Variants in RGS7 observed in about 807,000 individuals in gnomAD.
RGS7 encodes regulator of G protein signaling 7.
RGS7 carries 27 observed loss-of-function variants against 81.1 expected under a neutral mutation model. The observed-to-expected ratio is 0.33, with a 90% CI of 0.25 to 0.46. The LOEUF is 0.46. Among genes scored for constraint, RGS7 ranks in the 20% least tolerant of loss-of-function variants. The pLI is 1.00. For synonymous variants in RGS7, 208 were observed against 207.7 expected, an observed-to-expected ratio of 1.00 and a Z score of -0.01; for missense variants, 396 against 607.4, an observed-to-expected ratio of 0.65 and a Z score of 3.66.
chr1:240,857,408 C>A (rs1304247696), intron 9 of RGS7, among the ~76,000 whole-genome samples: 2 of 152,088 alleles, frequency 1.3e-5, no homozygotes, highest in Non-Finnish European at 2.9e-5. Context: ...AAGTCCAGAG[C>A]TTGCATTGGG....
In RGS7 at chr1:240,801,627, C is replaced by T. The variant is rs560919064; in HGVS notation, c.1360-119G>A. The T allele has an allele frequency of 3.6e-5, 28 of 770,422 alleles. No individual in the cohort carries two copies. In the South Asian group the frequency reaches 4.0e-4, roughly 11 times the overall value. The allele number at this position is 770,422 out of a possible 1,614,324, so 47.7% of individuals were successfully genotyped here. ...TAATGAAATGATGCAACACCAAATC[C>T]ATGTTCTAAATCAGAAGGCCCATAG... On this transcript the variant is annotated intron_variant, in intron 16 of 18. Coordinates refer to ENST00000440928, the MANE Select transcript of RGS7 (RefSeq NM_001364886.1).
At chr1:241,268,445 A>G (rs1016477598) in intron 2 of RGS7, among the ~76,000 whole-genome samples, 1 of 152,156 alleles carries the variant, frequency 6.6e-6, no homozygotes, top group Admixed American at 6.5e-5. Context: ...AGTTGTGCCA[A>G]TGAAAAATGT....
intron 2 of RGS7, among the ~76,000 whole-genome samples, chr1:241,160,179 G>C (rs1337896787): frequency 6.6e-6 from 1 of 151,674 alleles, no homozygotes; most frequent in Non-Finnish European, 1.5e-5. Context: ...AAATATTTGG[G>C]GCTAAGTGTT....
At chr1:240,927,963 G>A (rs1674741952) in intron 6 of RGS7, among the ~76,000 whole-genome samples, 1 of 152,114 alleles carries the variant, frequency 6.6e-6, no homozygotes. Context: ...TGCCATGTTG[G>A]CTCCTGATTA....
chr1:241,178,379 T>C (rs2071334612), intron 2 of RGS7, among the ~76,000 whole-genome samples: 1 of 152,078 alleles, frequency 6.6e-6, no homozygotes, highest in African/African-American at 2.4e-5. Context: ...GACATAAATT[T>C]GGGAATCGTA....
At chr1:241,221,003 G>GGAAGGA (rs1558203426) in intron 2 of RGS7, among the ~76,000 whole-genome samples, 7 of 49,218 alleles carry the variant, frequency 1.4e-4, no homozygotes, top group South Asian at 9.2e-4. Context: ...GGAAGAGAGA[G>GGAAGGA]AGAAAGGAAG....
chr1:241,086,031 C>T (rs183300204), intron 3 of RGS7, among the ~76,000 whole-genome samples: 4 of 152,324 alleles, frequency 2.6e-5, no homozygotes, highest in Admixed American at 2.6e-4. Flanking sequence ...TCTGTGCTCC[C>T]CTCGGTGTTT....
chr1:241,245,580 G>A (rs1052841677), intron 2 of RGS7, among the ~76,000 whole-genome samples: 13 of 151,990 alleles, frequency 8.6e-5, no homozygotes, highest in Middle Eastern at 3.5e-3. Flanking sequence ...AGGTCGAGGT[G>A]GGCAGATCAT....
chr1:241,012,462 AG>A (rs2059007483), intron 3 of RGS7, among the ~76,000 whole-genome samples: 1 of 152,188 alleles, frequency 6.6e-6, no homozygotes, highest in Non-Finnish European at 1.5e-5. Context: ...CAGGATAACC[AG>A]GAAGTGTTCA....
At chr1:240,942,567 A>G (rs1364861813) in intron 4 of RGS7, among the ~76,000 whole-genome samples, 1 of 152,176 alleles carries the variant, frequency 6.6e-6, no homozygotes, top group African/African-American at 2.4e-5. Context: ...TTTCCAACAC[A>G]GTATAAGTAT....
intron 2 of RGS7, among the ~76,000 whole-genome samples, chr1:241,219,071 C>A (rs761170505): frequency 6.6e-6 from 1 of 152,112 alleles, no homozygotes; most frequent in South Asian, 2.1e-4. Flanking sequence ...AGGCTCACAT[C>A]CAGCTGGTGT....
At chr1:241,345,385 C>T (rs539040374) in intron 2 of RGS7, among the ~76,000 whole-genome samples, 10 of 152,126 alleles carry the variant, frequency 6.6e-5, no homozygotes, top group African/African-American at 2.4e-4. Flanking sequence ...ACCCCAGAAC[C>T]TAAAATAAAA....
At chr1:241,020,197 G>C (rs2059470191) in intron 3 of RGS7, among the ~76,000 whole-genome samples, 1 of 152,188 alleles carries the variant, frequency 6.6e-6, no homozygotes, top group African/African-American at 2.4e-5. Context: ...GTATGAAGTA[G>C]GGGCTCAGTC....
At chr1:240,944,136 A>C (rs982571276) in intron 4 of RGS7, among the ~76,000 whole-genome samples, 11 of 151,006 alleles carry the variant, frequency 7.3e-5, no homozygotes, top group Non-Finnish European at 1.5e-4. Context: ...TCCATGTAAT[A>C]CTGGTGTGAA....
At position 241,256,898 on chromosome 1, in the gene RGS7, C is replaced by T. The variant is rs115957411; in HGVS notation, c.78+98801G>A. On this transcript the variant is annotated intron_variant, in intron 2 of 18. Transcript: ENST00000440928. ...TCAACTTCTCCCGTAGGCCAAGACC[C>T]CAGTTATTCTTAAACTACCACTAGA... Among the ~76,000 whole-genome samples the T allele has an allele frequency of 5.0e-3, 762 of 151,202 alleles. 8 individuals are homozygous for T. The highest frequency in any genetic ancestry group is 0.018 in the African/African-American group (746 of 41,134).
chr1:240,832,626 A>T (rs987449966), intron 9 of RGS7, among the ~76,000 whole-genome samples: 1 of 152,116 alleles, frequency 6.6e-6, no homozygotes, highest in Admixed American at 6.5e-5. Flanking sequence ...TTATAGCAGA[A>T]GGTACACTTG....
intron 2 of RGS7, among the ~76,000 whole-genome samples, chr1:241,309,983 G>A (rs115488189): frequency 0.017 from 2,523 of 152,280 alleles, 64 homozygotes; most frequent in African/African-American, 0.058. Flanking sequence ...TAACCCTAGT[G>A]AGTGGCATTG....
intron 2 of RGS7, among the ~76,000 whole-genome samples, chr1:241,115,590 C>T (rs1015180586): frequency 5.3e-5 from 8 of 152,226 alleles, no homozygotes; most frequent in Non-Finnish European, 7.4e-5. Flanking sequence ...TAACGTGGGG[C>T]GAATGGTTTG....
At chr1:241,235,895 T>G (rs2075936411) in intron 2 of RGS7, among the ~76,000 whole-genome samples, 1 of 67,848 alleles carries the variant, frequency 1.5e-5, no homozygotes, top group African/African-American at 4.6e-5. Context: ...GGTGAACCCC[T>G]AGGAGATGCA....
Sources: gnomAD v4.1 joint callset for allele counts (sites outside exome capture counted in the v4.1 genomes callset) on GRCh38, gnomAD v4.1.1 for gene constraint, MANE v1.5 for transcripts, NCBI Gene and HGNC (gene_info 2026-07-23, HGNC 2026-07-21) for gene names.